PIDD1: variants seen among roughly 807,000 people sequenced by gnomAD.
PIDD1 encodes p53-induced death domain-containing protein 1.
A neutral mutation model predicts 80.0 loss-of-function variants in PIDD1; 72 were observed. The observed-to-expected ratio is 0.90, with a 90% confidence interval of 0.74 to 1.09. PIDD1 has a LOEUF of 1.09. PIDD1 is among the 50% of genes least tolerant of loss of function. PIDD1 has a pLI of 0.00. For missense variants in PIDD1, 1,329 were observed against 1,228.3 expected (o/e 1.08, Z -1.23); for synonymous variants, 655 against 543.5 (o/e 1.21, Z -2.85).
intron 3 of PIDD1, 63 bp from the exon 4 acceptor site, chr11:802,954 C>T: frequency 7.3e-7 from 1 of 1,372,446 alleles, no homozygotes; most frequent in Non-Finnish European, 1.0e-6. Flanking sequence ...GACACTCCTG[C>T]TGCCGCCTCC....
In PIDD1 at chr11:799,422, A is replaced by C. The variant is rs1865026245; in HGVS notation, c.2618T>G (p.Leu873Trp). The C allele has an allele frequency of 6.2e-7, 1 of 1,611,402 alleles. No homozygotes were observed. Among genetic ancestry groups the C allele is most frequent in the Admixed American group, 1.7e-5 (1 of 59,988 alleles). Residue 873 changes from leucine (L) to tryptophan (W), a missense_variant, in exon 16 of 16, where the codon TTG (leucine) becomes TGG (tryptophan). Leu to Trp is a moderately conservative substitution (Grantham distance 61). Transcript: ENST00000347755. ...QDVAEEVRAVLELGRRKYQDS... is the reference protein window; with the variant it reads ...QDVAEEVRAVWELGRRKYQDS... ...CTGGTACTTGCGGCGGCCGAGCTCC[A>C]AGACTGCGCGCACCTCTTCAGCCAC... is the stretch of plus-strand genomic sequence containing the variant.
rs1157988032 is a variant in PIDD1, at chr11:803,334, C to T, written c.549G>A (p.Leu183=). ...CCCCCAGTGCTGGGGGCAGCGTCTG[C>T]AGGCGGTTGTGTGTCACTGTGAGGA... is the stretch of plus-strand genomic sequence containing the variant. ...LTFLTVTHNR[L]QTLPPALGAL... Residue 183 remains leucine (L), a synonymous_variant, in exon 3 of 16, where the codon CTG becomes CTA. Coordinates refer to ENST00000347755, the MANE Select transcript of PIDD1 (RefSeq NM_145886.4). 2 of 1,613,828 alleles carry T rather than the reference C, an allele frequency of 1.2e-6. No homozygotes were observed. Among genetic ancestry groups the T allele is most frequent in the African/African-American group, 2.7e-5 (2 of 74,918 alleles).
At chr11:804,591 G>T in intron 1 of PIDD1, 128 bp from the exon 2 acceptor site, 7 of 955,656 alleles carry the variant, frequency 7.3e-6, no homozygotes, top group Non-Finnish European at 8.8e-6. Flanking sequence ...GAGTGGGGGA[G>T]ACCTTGTGGT....
chr11:800,928 G>C lies in PIDD1; in HGVS notation c.1767-16C>G. On this transcript the variant is annotated splice_polypyrimidine_tract_variant and intron_variant, in intron 10 of 15. Transcript: ENST00000347755. Reference sequence around the variant, plus strand: ...GAGCCAGTACCTGGGAGAGCTGGGGGTGAGGAGGGCTGTACAGACTGGGGG... The same window carrying C: ...GAGCCAGTACCTGGGAGAGCTGGGGCTGAGGAGGGCTGTACAGACTGGGGG... 1 of 1,595,466 alleles carries C rather than the reference G, an allele frequency of 6.3e-7. No individual in the cohort carries two copies. Among genetic ancestry groups the C allele is most frequent in the Non-Finnish European group, 8.5e-7 (1 of 1,171,816 alleles).
chr11:804,256 C>G lies in PIDD1; in HGVS notation c.133G>C (p.Gly45Arg). 1 of 1,613,034 alleles carries G rather than the reference C, an allele frequency of 6.2e-7. No homozygotes were observed. The highest frequency in any genetic ancestry group is 1.3e-5 in the African/African-American group (1 of 75,066). Residue 45 changes from glycine to arginine, a missense_variant, in exon 2 of 16, where the codon GGG becomes CGG. Gly to Arg is a moderately radical substitution (Grantham distance 125). Coordinates refer to ENST00000347755, the MANE Select transcript of PIDD1 (RefSeq NM_145886.4). ...AGGTGCAGCAGCTGCTGGCAGCCCC[C>G]GGGGTACAGGTCCAAGCTCAGCCGG... ...GNRLSLDLYP[G>R]GCQQLLHLCV...
chr11:803,973 TG>T, intron 2 of PIDD1, 120 bp downstream of exon 2: 1 of 1,105,202 alleles, frequency 9.0e-7, no homozygotes, highest in Non-Finnish European at 1.3e-6. Context: ...AGTTCACACC[TG>T]GGGAGCCGGG....
Position 802,249 on chromosome 11 carries a change from G to A in PIDD1, c.1122C>T (p.Asp374=), listed in dbSNP as rs779872872. The A allele has an allele frequency of 2.4e-5, 38 of 1,611,726 alleles. No individual in the cohort carries two copies. Among genetic ancestry groups the A allele is most frequent in the Admixed American group, 1.8e-4 (11 of 59,888 alleles). ...GCTCCAGCACATGGCTGAGCAGGGC[G>A]TCATGAGGACCCAGGGGGACGAGGC... ...EPGLVPLGPH[D]ALLSHVLELQ... The change falls in exon 6 of 16, where the codon GAC becomes GAT. Residue 374 remains aspartate (D), a synonymous_variant. Transcript: ENST00000347755.
chr11:803,733 A>G, intron 2 of PIDD1, 146 bp from the exon 3 acceptor site: 2 of 948,434 alleles, frequency 2.1e-6, no homozygotes, highest in Non-Finnish European at 3.1e-6. Context: ...ACAGACAGAA[A>G]CACTGGAGAG....
chr11:802,154 G>A (rs1405649252), intron 6 of PIDD1, 41 bp downstream of exon 6: 13 of 1,564,658 alleles, frequency 8.3e-6, no homozygotes, highest in South Asian at 4.6e-5. Flanking sequence ...CCCCTGCCAT[G>A]CCCTGGCCCA....
At position 801,139 on chromosome 11, in the gene PIDD1, G is replaced by T. The variant is rs891021001; in HGVS notation, c.1631-19C>A. 3.2e-5 allele frequency: 50 copies of T among 1,547,322 alleles called. No individual in the cohort carries two copies. The highest frequency in any genetic ancestry group is 4.3e-5 in the Non-Finnish European group (49 of 1,143,426). On this transcript the variant is annotated intron_variant, in intron 9 of 15. Coordinates refer to ENST00000347755, the MANE Select transcript of PIDD1 (RefSeq NM_145886.4). ...CTGAGGCCTGGGGATGGGAGGGGCA[G>T]CGAGCTGAGGCCTCCTGGCCGGAGA...
At chr11:800,489 G>C in intron 12 of PIDD1, 38 bp from the exon 13 acceptor site, 1 of 1,610,290 alleles carries the variant, frequency 6.2e-7, no homozygotes, top group Non-Finnish European at 8.5e-7. Context: ...GAGGGCTCGG[G>C]GAGGACGGTA....
upstream of PIDD1, among the ~76,000 whole-genome samples, chr11:807,640 G>C (rs539578310): frequency 1.3e-5 from 2 of 152,060 alleles, no homozygotes; most frequent in African/African-American, 2.4e-5. Context: ...AGCCGGGCGC[G>C]GTAGCAGGCG....
At position 803,520 on chromosome 11, in the gene PIDD1, C is replaced by G. The variant is rs923110750; in HGVS notation, c.363G>C (p.Leu121=). The part of the protein sequence containing the change: ...RGALTNLPAG[L]SGLAHLAHLD... ...GGTGGGCCAGATGGGCCAGGCCACT[C>G]AGACCAGCGGGCAGGTTGGTCAGGG... is the stretch of plus-strand genomic sequence containing the variant. Residue 121 remains leucine (L), a synonymous_variant, in exon 3 of 16, where the codon CTG becomes CTC. Transcript: ENST00000347755. 1 of 1,613,414 alleles carries G rather than the reference C, an allele frequency of 6.2e-7. No homozygotes were observed. Among genetic ancestry groups the G allele is most frequent in the Non-Finnish European group, 8.5e-7 (1 of 1,179,960 alleles).
Position 800,631 on chromosome 11 carries a change from G to T in PIDD1, c.1953C>A (p.Tyr651Ter). 1 of 1,598,196 alleles carries T rather than the reference G, an allele frequency of 6.3e-7. No homozygotes were observed. Residue 651 changes from tyrosine to a stop codon, truncating the protein, a stop_gained, in exon 12 of 16, where the codon TAC becomes TAA. Transcript: ENST00000347755. LOFTEE classifies it high-confidence loss of function. The part of the protein sequence containing the change: ...DATLRRLLER[Y>*]RGPEPSDTVE... ...CCGTGTCAGAGGGCTCGGGGCCCCG[G>T]TACCGCTCCAGCAGCCGCCGAAGGG...
intron 15 of PIDD1, 90 bp downstream of exon 15, chr11:799,725 G>A: frequency 1.5e-6 from 2 of 1,378,192 alleles, no homozygotes; most frequent in Middle Eastern, 2.4e-4. Context: ...CACCTCCCCT[G>A]GAAGAAACTT....
Position 801,987 on chromosome 11 carries a change from T to C in PIDD1, c.1280A>G (p.Tyr427Cys). The C allele has an allele frequency of 1.2e-6, 2 of 1,604,180 alleles. No individual in the cohort carries two copies. Among genetic ancestry groups the C allele is most frequent in the Non-Finnish European group, 1.7e-6 (2 of 1,176,004 alleles). ...NDNSWGDLET[Y>C]LEEEAPQRLW... ...CACCTGGGGTGCCTCTTCCTCCAGG[T>C]AGGTCTCCAGGTCACCCCAGCTGTT... Residue 427 changes from tyrosine (Y) to cysteine (C), a missense_variant, in exon 7 of 16, where the codon TAC (tyrosine) becomes TGC (cysteine). By Grantham distance (194) the Tyr-to-Cys change is radical. Coordinates refer to ENST00000347755, the MANE Select transcript of PIDD1 (RefSeq NM_145886.4).
rs55792600 is a variant in PIDD1 at position 802,659 on chromosome 11, G to T, written c.919+23C>A. 3.2e-3 allele frequency: 5,202 copies of T among 1,606,610 alleles called. 152 individuals are homozygous for T. In the African/African-American group the frequency reaches 0.061, roughly 19 times the overall value. ...GAGACTCATGTCCTATCCCAGGTCT[G>T]CCCCTTCTAGCACCAAGCCTACCTG... On this transcript the variant is annotated intron_variant, in intron 4 of 15. Coordinates refer to ENST00000347755, the MANE Select transcript of PIDD1 (RefSeq NM_145886.4).
In PIDD1 at chr11:804,467, C is replaced by A; in HGVS notation, c.-75-4G>T. ...GTCCAGGCAGCGCCCGGGGAAGCTG[C>A]AGAGGCAGGAGGAGGAGTGAGCGGG... On this transcript the variant is annotated splice_polypyrimidine_tract_variant and splice_region_variant and intron_variant, in intron 1 of 15. Coordinates refer to ENST00000347755, the MANE Select transcript of PIDD1 (RefSeq NM_145886.4). 1 of 1,499,240 alleles carries A rather than the reference C, an allele frequency of 6.7e-7. No individual in the cohort carries two copies. Among genetic ancestry groups the A allele is most frequent in the African/African-American group, 1.4e-5 (1 of 71,868 alleles). The allele number at this position is 1,499,240 out of a possible 1,614,324, so 92.9% of individuals were successfully genotyped here. A position where few individuals can be genotyped will look rare whatever the true frequency, so the allele number is the denominator to read the frequency against.
At chr11:804,995 C>T (rs112667142) in intron 1 of PIDD1, 184 bp downstream of exon 1, 4,055 of 159,524 alleles carry the variant, frequency 0.025, 191 homozygotes, top group African/African-American at 0.092. Context: ...CCTCTCCCGG[C>T]CTTTCCAGTT....
Sources: gnomAD v4.1 joint callset for allele counts (sites outside exome capture counted in the v4.1 genomes callset) on GRCh38, gnomAD v4.1.1 for gene constraint, MANE v1.5 for transcripts, NCBI Gene and HGNC (gene_info 2026-07-23, HGNC 2026-07-21) for gene names.